The following CHN1 variants were observed in gnomAD, a reference collection of about 807,000 sequenced individuals.
The protein encoded by CHN1 is N-chimaerin.
In CHN1, 37 loss-of-function variants were observed where a neutral mutation model predicts 59.5. The observed-to-expected ratio is 0.62, with a 90% confidence interval of 0.48 to 0.82. The LOEUF is 0.82. CHN1 is among the 40% of genes least tolerant of loss of function. CHN1 has a pLI of 0.00. For missense variants in CHN1, 469 were observed against 571.0 expected, an observed-to-expected ratio of 0.82 and a Z score of 1.82; for synonymous variants, 206 against 200.4, an observed-to-expected ratio of 1.03 and a Z score of -0.24.
chr2:174,963,785 G>A (rs1341016943), intron 1 of CHN1, among the ~76,000 whole-genome samples: 1 of 152,166 alleles, frequency 6.6e-6, no homozygotes, highest in East Asian at 1.9e-4. Flanking sequence ...CAACAGGAAA[G>A]CCAAAGACAG....
intron 1 of CHN1, among the ~76,000 whole-genome samples, chr2:174,965,016 A>C (rs947857319): frequency 6.6e-6 from 1 of 152,130 alleles, no homozygotes; most frequent in South Asian, 2.1e-4. Flanking sequence ...AAGATATCTG[A>C]GCCTTTAGGC....
intron 5 of CHN1, among the ~76,000 whole-genome samples, chr2:174,907,493 AAATTGTTAC>A (rs1263860459): frequency 2.0e-5 from 3 of 152,186 alleles, no homozygotes; most frequent in Non-Finnish European, 4.4e-5. Context: ...TTATTTAAAT[AAATTGTTAC>A]ATTCTGTTTA....
intron 3 of CHN1, among the ~76,000 whole-genome samples, chr2:174,942,870 C>T (rs1036370680): frequency 5.2e-4 from 79 of 151,914 alleles, no homozygotes; most frequent in African/African-American, 1.9e-3. Context: ...GGCAACATGG[C>T]GAAACCCCAT....
Position 174,824,630 on chromosome 2 carries a change from A to ATATATATC in CHN1, c.628-113_628-112insGATATATA. On this transcript the variant is annotated intron_variant, in intron 7 of 12. Coordinates refer to ENST00000409900, the MANE Select transcript of CHN1 (RefSeq NM_001822.7). Reference sequence around the variant, plus strand: ...CCACATATTCTATATATATATATATATGAGAGAAAGAGAAATGGGGTCTCA... The same window carrying ATATATATC: ...CCACATATTCTATATATATATATATATATATATCTGAGAGAAAGAGAAATGGGGTCTCA... 1.3e-5 allele frequency: 6 copies of ATATATATC among 474,184 alleles called. No homozygotes were observed. In the South Asian group the frequency reaches 1.3e-4, roughly 11 times the overall value. 29.4% of individuals were successfully genotyped at this position (474,184 alleles called of 1,614,324 possible).
intron 7 of CHN1, among the ~76,000 whole-genome samples, chr2:174,836,826 G>A (rs890273961): frequency 6.6e-6 from 1 of 152,166 alleles, no homozygotes; most frequent in African/African-American, 2.4e-5. Context: ...ATTGGTCAAT[G>A]ACTGCCATGC....
At chr2:174,857,537 C>G (rs760584429) in intron 6 of CHN1, among the ~76,000 whole-genome samples, 1 of 151,934 alleles carries the variant, frequency 6.6e-6, no homozygotes, top group Non-Finnish European at 1.5e-5. Context: ...TAAATATAAA[C>G]GAAATTATAT....
At chr2:174,870,376 G>A (rs1456430556) in intron 6 of CHN1, among the ~76,000 whole-genome samples, 1 of 152,128 alleles carries the variant, frequency 6.6e-6, no homozygotes, top group Non-Finnish European at 1.5e-5. Flanking sequence ...AATTTATGAG[G>A]CCATATTAAA....
chr2:174,809,014 G>A lies in CHN1; in HGVS notation c.993C>T (p.Asn331=). 6.2e-7 allele frequency: 1 copy of A among 1,609,464 alleles called. No individual in the cohort carries two copies. Among genetic ancestry groups the A allele is most frequent in the Non-Finnish European group, 8.5e-7 (1 of 1,178,092 alleles). ...TGATAATGTTGATATCTTCATACAT[G>A]TTCACAGAAATATCTGCCTTCTCAC... is the stretch of plus-strand genomic sequence containing the variant. ...RDGEKADISV[N]MYEDINIITG... The change falls in exon 11 of 13, where the codon AAC becomes AAT. Residue 331 remains asparagine (N), a synonymous_variant. Coordinates refer to ENST00000409900, the MANE Select transcript of CHN1 (RefSeq NM_001822.7).
At chr2:174,833,022 T>TG (rs1438186645) in intron 7 of CHN1, among the ~76,000 whole-genome samples, 1 of 152,152 alleles carries the variant, frequency 6.6e-6, no homozygotes, top group Non-Finnish European at 1.5e-5. Flanking sequence ...ATATGACACA[T>TG]GGTTATATTT....
chr2:174,803,682 G>C (rs1684800395), intron 11 of CHN1, among the ~76,000 whole-genome samples: 1 of 151,940 alleles, frequency 6.6e-6, no homozygotes, highest in Non-Finnish European at 1.5e-5. Flanking sequence ...AGCCTTCCAA[G>C]TAGCTGGGAC....
chr2:174,951,893 GC>G (rs1558995102), intron 2 of CHN1, among the ~76,000 whole-genome samples: 2 of 152,088 alleles, frequency 1.3e-5, no homozygotes, highest in African/African-American at 4.8e-5. Context: ...AGCTTCATTA[GC>G]CACTCTGAAC....
rs765364307 is a variant in CHN1 at position 174,944,979 on chromosome 2, C to T, written c.59-36G>A. ...GTAGAAACAAAAAGTGTCAATGTCC[C>T]TTACATAGAACTTATCAATATATTA... On this transcript the variant is annotated intron_variant, in intron 2 of 12. Transcript: ENST00000409900. 50 of 1,454,102 alleles carry T rather than the reference C, an allele frequency of 3.4e-5. 1 individual carries two copies. In the South Asian group the frequency reaches 6.1e-4, roughly 18 times the overall value. 90.1% of individuals were successfully genotyped at this position (1,454,102 alleles called of 1,614,324 possible). A position where few individuals can be genotyped will look rare whatever the true frequency, so the allele number is the denominator to read the frequency against.
intron 2 of CHN1, among the ~76,000 whole-genome samples, chr2:174,948,586 G>C (rs891850559): frequency 2.6e-5 from 4 of 152,208 alleles, no homozygotes; most frequent in African/African-American, 9.6e-5. Context: ...GATAGGCATG[G>C]GTAAAATAAG....
intron 1 of CHN1, among the ~76,000 whole-genome samples, chr2:174,997,911 C>A (rs773783631): frequency 6.8e-6 from 1 of 147,812 alleles, no homozygotes; most frequent in South Asian, 2.1e-4. Flanking sequence ...CGCTCAAATC[C>A]GGGAGGCAGA....
At chr2:174,953,728 A>G (rs1045344048) in intron 1 of CHN1, among the ~76,000 whole-genome samples, 1 of 152,154 alleles carries the variant, frequency 6.6e-6, no homozygotes, top group Non-Finnish European at 1.5e-5. Context: ...AGGAATACAC[A>G]TAACCAAGGA....
chr2:174,875,274 G>A (rs1687532348), intron 6 of CHN1, among the ~76,000 whole-genome samples: 1 of 152,264 alleles, frequency 6.6e-6, no homozygotes, highest in African/African-American at 2.4e-5. Flanking sequence ...TTATTGTTTT[G>A]TAGAAAATGC....
At position 174,801,759 on chromosome 2, in the gene CHN1, G is replaced by A; in HGVS notation, c.1156C>T (p.Leu386=). 6.2e-7 allele frequency: 1 copy of A among 1,613,522 alleles called. No individual in the cohort carries two copies. The highest frequency in any genetic ancestry group is 8.5e-7 in the Non-Finnish European group (1 of 1,179,532). ...AGGGTTTCGCAGTGAGCAGGTGGCA[G>A]TAGTTTCAGTGCTTCATGAAGGGTT... ...LETLHEALKL[L]PPAHCETLRY... The change falls in exon 12 of 13, where the codon CTG becomes TTG. Residue 386 remains leucine (L), a synonymous_variant. Transcript: ENST00000409900.
At chr2:174,998,635 T>A (rs1477933066) in intron 1 of CHN1, among the ~76,000 whole-genome samples, 1 of 152,224 alleles carries the variant, frequency 6.6e-6, no homozygotes, top group South Asian at 2.1e-4. Context: ...GAGCAGCTGG[T>A]GACATGCTGG....
intron 5 of CHN1, among the ~76,000 whole-genome samples, chr2:174,881,046 C>CA (rs34149509): frequency 0.17 from 13,761 of 81,730 alleles, 1,520 homozygotes; most frequent in African/African-American, 0.38. Context: ...AACTCCATCT[C>CA]AAAAAAAAAA....
Sources: allele counts gnomAD v4.1 joint callset (sites outside exome capture counted in the v4.1 genomes callset), GRCh38; gene constraint gnomAD v4.1.1; transcripts MANE v1.5; gene names NCBI Gene and HGNC (gene_info 2026-07-23, HGNC 2026-07-21).